The following CRMP1 variants were observed in gnomAD, a reference collection of about 807,000 sequenced individuals.
CRMP1 encodes the protein collapsin response mediator protein 1, also known as dihydropyrimidinase-related protein 1.
CRMP1 carries 19 observed loss-of-function variants against 68.3 expected under a neutral mutation model. The observed-to-expected ratio is 0.28, with a 90% confidence interval of 0.19 to 0.41. The LOEUF is 0.41. Ranked by LOEUF, CRMP1 falls within the 10% of genes least tolerant of loss-of-function variation. CRMP1 has a pLI of 1.00. For synonymous variants in CRMP1, 439 were observed against 399.6 expected, an observed-to-expected ratio of 1.10 and a Z score of -1.18; for missense variants, 791 against 967.4, an observed-to-expected ratio of 0.82 and a Z score of 2.42.
chr4:5,823,392 A>G (rs1719005187), intron 13 of CRMP1, among the ~76,000 whole-genome samples: 1 of 152,248 alleles, frequency 6.6e-6, no homozygotes, highest in Admixed American at 6.5e-5. Context: ...TTTTCCTTAC[A>G]ACCATCTGTA....
At chr4:5,823,655 T>C (rs1374370824) in intron 13 of CRMP1, among the ~76,000 whole-genome samples, 7 of 152,202 alleles carry the variant, frequency 4.6e-5, no homozygotes, top group Admixed American at 4.6e-4. Context: ...ACCTCTGCCT[T>C]CTTCCTCTGT....
At chr4:5,848,646 C>G (rs1057096870) in intron 6 of CRMP1, among the ~76,000 whole-genome samples, 1 of 152,224 alleles carries the variant, frequency 6.6e-6, no homozygotes, top group Non-Finnish European at 1.5e-5. Context: ...TTTTCTGATG[C>G]TATTACAGAA....
In CRMP1 at chr4:5,838,046, T is replaced by A. The variant is rs1455123397; in HGVS notation, c.1311-1140A>T. On this transcript the variant is annotated intron_variant, in intron 9 of 13. Transcript: ENST00000324989. The surrounding 1 kb of genome is among the most constrained non-coding windows in gnomAD (Gnocchi z 4.9). ...AACCAAAGCAGGTGGGGATGAGGCG[T>A]GCTGGGGACAGGCTGGAGATGCCAT... Among the ~76,000 whole-genome samples, 1 of 152,146 alleles carries A rather than the reference T, an allele frequency of 6.6e-6. No individual in the cohort carries two copies. Among genetic ancestry groups the A allele is most frequent in the Non-Finnish European group, 1.5e-5 (1 of 68,012 alleles).
rs1711743139 is a variant in CRMP1 at position 5,841,715 on chromosome 4, T to C, written c.1033-287A>G. On this transcript the variant is annotated intron_variant, in intron 7 of 13. Coordinates refer to ENST00000324989, the MANE Select transcript of CRMP1 (RefSeq NM_001014809.3). The surrounding 1 kb of genome is among the most constrained non-coding windows in gnomAD (Gnocchi z 6.9). ...GCCAGGAACATACAGCTCGTGGCCA[T>C]CCCTGGGCTGTGGAGCTCATGAAGA... is the stretch of plus-strand genomic sequence containing the variant. Among the ~76,000 whole-genome samples, 1 of 152,144 alleles carries C rather than the reference T, an allele frequency of 6.6e-6. No individual in the cohort carries two copies. Among genetic ancestry groups the C allele is most frequent in the Non-Finnish European group, 1.5e-5 (1 of 68,040 alleles).
Position 5,888,624 on chromosome 4 carries a change from C to T in CRMP1, c.381+3965G>A. On this transcript the variant is annotated intron_variant, in intron 1 of 13. Coordinates refer to ENST00000324989, the MANE Select transcript of CRMP1 (RefSeq NM_001014809.3). The surrounding 1 kb of genome is among the most constrained non-coding windows in gnomAD (Gnocchi z 6.4). ...GCGCTTCCCTTCCGATCTCCCACCCCGCCCCCCGCCCCCCACCCGCCCAGC... is the reference window on the plus strand; with the variant it reads ...GCGCTTCCCTTCCGATCTCCCACCCTGCCCCCCGCCCCCCACCCGCCCAGC... 1.6e-6 allele frequency: 1 copy of T among 644,730 alleles called. No homozygotes were observed. 39.9% of individuals were successfully genotyped at this position (644,730 alleles called of 1,614,324 possible). A position where few individuals can be genotyped will look rare whatever the true frequency, so the allele number is the denominator to read the frequency against.
chr4:5,875,125 G>A lies in CRMP1; in HGVS notation c.382-8369C>T, dbSNP rs3774886. Among the ~76,000 whole-genome samples, 104 of 152,312 alleles carry A rather than the reference G, an allele frequency of 6.8e-4. 1 individual carries two copies. The East Asian group carries it at 0.016, about 23-fold the overall frequency. On this transcript the variant is annotated intron_variant, in intron 1 of 13. Coordinates refer to ENST00000324989, the MANE Select transcript of CRMP1 (RefSeq NM_001014809.3). ...CTTTTTCACAAACATTAAGCATTAG[G>A]TTGAGCTCTGCTTACAAAAACTAGC...
intron 11 of CRMP1, among the ~76,000 whole-genome samples, chr4:5,832,331 A>G (rs1432489275): frequency 3.3e-5 from 5 of 152,260 alleles, no homozygotes; most frequent in African/African-American, 1.2e-4. Context: ...TTATATCTCG[A>G]TAAGAAACTT....
In CRMP1 at chr4:5,821,260, A is replaced by ACAT. The variant is rs1718496403; in HGVS notation, c.*497_*499dup. Reference sequence around the variant, plus strand: ...GACCAGAGGTGGGGGCAATGAGTAAACATCTTCACTGTAAGGGTTTTGGGA... The same window carrying ACAT: ...GACCAGAGGTGGGGGCAATGAGTAAACATCATCTTCACTGTAAGGGTTTTGGGA... On this transcript the variant is annotated 3_prime_UTR_variant, in exon 14 of 14. Coordinates refer to ENST00000324989, the MANE Select transcript of CRMP1 (RefSeq NM_001014809.3). The surrounding 1 kb of genome is among the most constrained non-coding windows in gnomAD (Gnocchi z 4.4). 1 of 153,624 alleles carries ACAT rather than the reference A, an allele frequency of 6.5e-6. No homozygotes were observed. The highest frequency in any genetic ancestry group is 2.0e-4 in the South Asian group (1 of 4,894). 9.5% of individuals were successfully genotyped at this position (153,624 alleles called of 1,614,324 possible).
chr4:5,884,935 G>A (rs966229321), intron 1 of CRMP1, among the ~76,000 whole-genome samples: 5 of 151,076 alleles, frequency 3.3e-5, no homozygotes, highest in Admixed American at 2.6e-4. Context: ...CACTGCAGTG[G>A]GCACAAGAAG....
chr4:5,854,102 G>A lies in CRMP1; in HGVS notation c.820+2041C>T, dbSNP rs541629643. On this transcript the variant is annotated intron_variant, in intron 4 of 13. Transcript: ENST00000324989. This position sits in a 1 kb window ranked among gnomAD's most constrained non-coding sequence, Gnocchi z 4.0. Reference sequence around the variant, plus strand: ...CATCTCAGTGAGGGGCGTCCTAAACGACCATTTGCTTAAGGCGGCAACCTG... The same window carrying A: ...CATCTCAGTGAGGGGCGTCCTAAACAACCATTTGCTTAAGGCGGCAACCTG... Among the ~76,000 whole-genome samples the A allele has an allele frequency of 1.3e-4, 20 of 152,164 alleles. No homozygotes were observed. Among genetic ancestry groups the A allele is most frequent in the Admixed American group, 6.5e-5 (1 of 15,282 alleles).
At position 5,842,021 on chromosome 4, in the gene CRMP1, C is replaced by T. The variant is rs921022993; in HGVS notation, c.1033-593G>A. On this transcript the variant is annotated intron_variant, in intron 7 of 13. Coordinates refer to ENST00000324989, the MANE Select transcript of CRMP1 (RefSeq NM_001014809.3). This position sits in a 1 kb window ranked among gnomAD's most constrained non-coding sequence, Gnocchi z 4.5. Reference sequence around the variant, plus strand: ...CATGGTGAAACCCAGTCTCTATTCACGAGGTCAGGAGATCGAGACCATCCT... The same window carrying T: ...CATGGTGAAACCCAGTCTCTATTCATGAGGTCAGGAGATCGAGACCATCCT... 1.3e-4 allele frequency among the ~76,000 whole-genome samples: 20 copies of T among 152,152 alleles called. No homozygotes were observed. Among genetic ancestry groups the T allele is most frequent in the African/African-American group, 4.8e-4 (20 of 41,448 alleles).
At position 5,827,728 on chromosome 4, in the gene CRMP1, C is replaced by T. The variant is rs955226806; in HGVS notation, c.1803+761G>A. Among the ~76,000 whole-genome samples, 10 of 140,504 alleles carry T rather than the reference C, an allele frequency of 7.1e-5. No homozygotes were observed. In the East Asian group the frequency reaches 7.9e-4, roughly 11 times the overall value. 92.2% of individuals were successfully genotyped at this position (140,504 alleles called of 152,430 possible). ...ACACGCATAGACATACACACATGTG[C>T]GCGTGCACACACACACACACACACA... On this transcript the variant is annotated intron_variant, in intron 12 of 13. Transcript: ENST00000324989.
At position 5,860,975 on chromosome 4, in the gene CRMP1, G is replaced by A; in HGVS notation, c.655+51C>T. On this transcript the variant is annotated intron_variant, in intron 3 of 13. Transcript: ENST00000324989. The surrounding 1 kb of genome is among the most constrained non-coding windows in gnomAD (Gnocchi z 4.2). ...TGAGCACTTGTGATGCTGGTGATGG[G>A]GAGGAGACCTCACAGTCTATGTCCC... is the stretch of plus-strand genomic sequence containing the variant. 6.4e-7 allele frequency: 1 copy of A among 1,570,556 alleles called. No individual in the cohort carries two copies. The highest frequency in any genetic ancestry group is 1.3e-5 in the African/African-American group (1 of 74,220).
chr4:5,835,862 T>G (rs938213100), intron 11 of CRMP1, 53 bp downstream of exon 11: 36 of 1,371,758 alleles, frequency 2.6e-5, no homozygotes, highest in Non-Finnish European at 3.1e-5. Context: ...TCTTTAAAAA[T>G]GATTACAACG....
Position 5,858,184 on chromosome 4 carries a change from C to G in CRMP1, c.656-1877G>C, listed in dbSNP as rs28594624. 0.019 allele frequency among the ~76,000 whole-genome samples: 2,933 copies of G among 152,140 alleles called. 100 individuals are homozygous for G. Among genetic ancestry groups the G allele is most frequent in the African/African-American group, 0.067 (2,781 of 41,494 alleles). Reference sequence around the variant, plus strand: ...CCTTCTGGCTTTTTCGTTCCTTTGTCCTACTTCTTTGGCTGCCGCTTCTCA... The same window carrying G: ...CCTTCTGGCTTTTTCGTTCCTTTGTGCTACTTCTTTGGCTGCCGCTTCTCA... On this transcript the variant is annotated intron_variant, in intron 3 of 13. Transcript: ENST00000324989. This position sits in a 1 kb window ranked among gnomAD's most constrained non-coding sequence, Gnocchi z 5.5.
At chr4:5,839,251 C>A (rs1385474704) in intron 9 of CRMP1, among the ~76,000 whole-genome samples, 1 of 152,234 alleles carries the variant, frequency 6.6e-6, no homozygotes, top group Non-Finnish European at 1.5e-5. Flanking sequence ...TCCCGATACA[C>A]CATGGTGCCT....
chr4:5,835,797 G>A (rs1359573513), intron 11 of CRMP1, 118 bp downstream of exon 11: 2 of 1,187,662 alleles, frequency 1.7e-6, no homozygotes, highest in African/African-American at 1.6e-5. Context: ...GACTGAGTCA[G>A]GCTAGATATC....
In CRMP1 at chr4:5,841,290, C is replaced by A. The variant is rs762330722; in HGVS notation, c.1153+18G>T. The A allele has an allele frequency of 1.2e-5, 20 of 1,613,730 alleles. No homozygotes were observed. The highest frequency in any genetic ancestry group is 2.5e-6 in the Non-Finnish European group (3 of 1,179,984). ...CAGGCCCCAGCTGCCCCCAGAAGGC[C>A]CAGGGCCGGCTGCATACCTTTCTTC... On this transcript the variant is annotated intron_variant, in intron 8 of 13. Coordinates refer to ENST00000324989, the MANE Select transcript of CRMP1 (RefSeq NM_001014809.3). The surrounding 1 kb of genome is among the most constrained non-coding windows in gnomAD (Gnocchi z 6.9).
In CRMP1 at chr4:5,865,840, C is replaced by T. The variant is rs899780670; in HGVS notation, c.470+828G>A. ...AACTGGTGACCTTAGAAGAAGAGAC[C>T]CCAGGAGTGTGCACACACACACACA... On this transcript the variant is annotated intron_variant, in intron 2 of 13. Coordinates refer to ENST00000324989, the MANE Select transcript of CRMP1 (RefSeq NM_001014809.3). The surrounding 1 kb of genome is among the most constrained non-coding windows in gnomAD (Gnocchi z 4.1). Among the ~76,000 whole-genome samples, 1 of 151,930 alleles carries T rather than the reference C, an allele frequency of 6.6e-6. No homozygotes were observed. Among genetic ancestry groups the T allele is most frequent in the East Asian group, 1.9e-4 (1 of 5,168 alleles).
Sources: allele counts gnomAD v4.1 joint callset (sites outside exome capture counted in the v4.1 genomes callset), GRCh38; gene constraint gnomAD v4.1.1; non-coding constraint Gnocchi (gnomAD v3.1); transcripts MANE v1.5; gene names NCBI Gene and HGNC (gene_info 2026-07-23, HGNC 2026-07-21).